Variants in LRP1B observed in about 807,000 individuals in gnomAD.
LRP1B encodes low-density lipoprotein receptor-related protein 1B.
Under a neutral mutation model 556.6 loss-of-function variants are expected in LRP1B, and 217 were observed. The ratio of observed to expected loss-of-function variants is 0.39; its 90% confidence interval spans 0.35 to 0.44. LRP1B has a LOEUF of 0.44. LRP1B is among the 20% of genes least tolerant of loss of function. The pLI, the probability that LRP1B is intolerant of heterozygous loss-of-function variation, is 1.00. For missense variants in LRP1B, 5,053 were observed against 5,620.8 expected, an observed-to-expected ratio of 0.90 and a Z score of 3.23; for synonymous variants, 2,047 against 1,865.8, an observed-to-expected ratio of 1.10 and a Z score of -2.50.
intron 82 of LRP1B, among the ~76,000 whole-genome samples, chr2:140,315,757 C>T (rs984435134): frequency 1.3e-5 from 2 of 152,134 alleles, no homozygotes; most frequent in African/African-American, 4.8e-5. Flanking sequence ...CATATGCACA[C>T]ACATACACAC....
intron 1 of LRP1B, among the ~76,000 whole-genome samples, chr2:141,924,963 T>C (rs2033630): frequency 0.86 from 131,219 of 152,110 alleles, 56,758 homozygotes; most frequent in East Asian, 1. Context: ...GGTTGGTATT[T>C]ATTTTATAGC....
At chr2:141,873,388 T>G (rs1698651573) in intron 1 of LRP1B, among the ~76,000 whole-genome samples, 1 of 152,028 alleles carries the variant, frequency 6.6e-6, no homozygotes, top group Admixed American at 6.6e-5. Flanking sequence ...TAACTCAACC[T>G]ATTTTTTGCA....
chr2:140,513,054 A>T (rs1689732107), intron 51 of LRP1B, among the ~76,000 whole-genome samples: 1 of 152,150 alleles, frequency 6.6e-6, no homozygotes, highest in Non-Finnish European at 1.5e-5. Context: ...GGACACTGAC[A>T]ATACTTCGAC....
intron 31 of LRP1B, among the ~76,000 whole-genome samples, chr2:140,826,239 G>T (rs1162267307): frequency 1.3e-5 from 2 of 152,036 alleles, no homozygotes; most frequent in South Asian, 2.1e-4. Flanking sequence ...ATAACATTTT[G>T]GTATAACATT....
At chr2:141,514,333 T>C (rs1195610843) in intron 2 of LRP1B, among the ~76,000 whole-genome samples, 1 of 152,172 alleles carries the variant, frequency 6.6e-6, no homozygotes, top group African/African-American at 2.4e-5. Context: ...TCCCTCTCTA[T>C]CTTGCTCTCC....
chr2:141,753,425 G>A (rs1171208760), intron 2 of LRP1B, among the ~76,000 whole-genome samples: 1 of 151,142 alleles, frequency 6.6e-6, no homozygotes, highest in Non-Finnish European at 1.5e-5. Flanking sequence ...TAGCCACAAT[G>A]GGCCCACCAG....
chr2:141,862,484 A>G (rs1698279245), intron 1 of LRP1B, among the ~76,000 whole-genome samples: 1 of 152,168 alleles, frequency 6.6e-6, no homozygotes, highest in Non-Finnish European at 1.5e-5. Context: ...ATCTCGGCTC[A>G]CGGCAACCTC....
intron 2 of LRP1B, among the ~76,000 whole-genome samples, chr2:141,650,285 G>A (rs1198495536): frequency 6.6e-6 from 1 of 152,146 alleles, no homozygotes; most frequent in African/African-American, 2.4e-5. Context: ...ACAGATGTGG[G>A]GAATTGATAT....
chr2:141,277,673 T>C (rs932800063), intron 3 of LRP1B, among the ~76,000 whole-genome samples: 5 of 151,140 alleles, frequency 3.3e-5, no homozygotes, highest in Admixed American at 2.0e-4. Flanking sequence ...TCCTTTTTTT[T>C]TTTTTTTCTG....
At chr2:141,471,276 T>TTTTTTTTTTG (rs1682456649) in intron 3 of LRP1B, among the ~76,000 whole-genome samples, 1 of 44,304 alleles carries the variant, frequency 2.3e-5, no homozygotes, top group Non-Finnish European at 6.0e-5. Context: ...GTATTTTTTT[T>TTTTTTTTTTG]TTTTTTTTTT....
At chr2:141,997,958 A>G (rs190139006) in intron 1 of LRP1B, among the ~76,000 whole-genome samples, 3 of 152,274 alleles carry the variant, frequency 2.0e-5, no homozygotes, top group Admixed American at 2.0e-4. Flanking sequence ...TTGCTTTTGT[A>G]TCGCATTACC....
intron 2 of LRP1B, among the ~76,000 whole-genome samples, chr2:141,524,476 T>G (rs1390558197): frequency 1.3e-5 from 2 of 152,096 alleles, no homozygotes; most frequent in Admixed American, 6.6e-5. Flanking sequence ...AAGCCATGGC[T>G]CTGTAGGCCA....
At chr2:141,365,486 T>G (rs1273355351) in intron 3 of LRP1B, among the ~76,000 whole-genome samples, 20 of 127,304 alleles carry the variant, frequency 1.6e-4, no homozygotes, top group African/African-American at 7.1e-4. Flanking sequence ...AGAAGTGTTT[T>G]TTTTTTTTTT....
chr2:140,795,797 T>C (rs1690282548), intron 32 of LRP1B, among the ~76,000 whole-genome samples: 1 of 152,082 alleles, frequency 6.6e-6, no homozygotes, highest in Non-Finnish European at 1.5e-5. Context: ...GAGGACACAA[T>C]TCCAAGATAT....
chr2:140,654,837 C>G (rs1559034689), intron 41 of LRP1B, among the ~76,000 whole-genome samples: 2 of 152,134 alleles, frequency 1.3e-5, no homozygotes. Flanking sequence ...AACATCTGCT[C>G]TCCGTATTGT....
At chr2:141,032,466 G>A (rs1464478835) in intron 11 of LRP1B, among the ~76,000 whole-genome samples, 1 of 151,742 alleles carries the variant, frequency 6.6e-6, no homozygotes, top group Non-Finnish European at 1.5e-5. Flanking sequence ...CAGTAGTGTG[G>A]GAAATATTTT....
At chr2:140,621,690 T>C (rs945723992) in intron 41 of LRP1B, among the ~76,000 whole-genome samples, 2 of 152,096 alleles carry the variant, frequency 1.3e-5, no homozygotes, top group Non-Finnish European at 2.9e-5. Flanking sequence ...AGTAATGGGG[T>C]GTATAACTGA....
intron 6 of LRP1B, among the ~76,000 whole-genome samples, chr2:141,220,157 C>T (rs772344157): frequency 3.7e-4 from 57 of 152,038 alleles, no homozygotes; most frequent in Non-Finnish European, 5.0e-4. Context: ...TCTAAACCAA[C>T]GCAAGAAGAT....
At chr2:140,417,683 G>A (rs559767207) in intron 66 of LRP1B, among the ~76,000 whole-genome samples, 19 of 152,148 alleles carry the variant, frequency 1.2e-4, no homozygotes, top group African/African-American at 3.9e-4. Flanking sequence ...ATGACTGCAC[G>A]GCTTTCTGGT....
Sources: allele counts gnomAD v4.1 joint callset (sites outside exome capture counted in the v4.1 genomes callset), GRCh38; gene constraint gnomAD v4.1.1; transcripts MANE v1.5; gene names NCBI Gene and HGNC (gene_info 2026-07-23, HGNC 2026-07-21).